The following CNTNAP5 variants were observed in gnomAD, a reference collection of about 807,000 sequenced individuals.
CNTNAP5 encodes the protein contactin-associated protein-like 5.
A neutral mutation model predicts 150.2 loss-of-function variants in CNTNAP5; 72 were observed. That is an observed-to-expected ratio of 0.48 (90% CI 0.40 to 0.58). The LOEUF (loss-of-function observed/expected upper bound fraction) is 0.58, where lower values mean the gene tolerates loss of function less well. CNTNAP5 is among the 20% of genes least tolerant of loss of function. The pLI is 0.00. For missense variants in CNTNAP5, 1,636 were observed against 1,626.2 expected, an observed-to-expected ratio of 1.01 and a Z score of -0.10; for synonymous variants, 672 against 619.8, an observed-to-expected ratio of 1.08 and a Z score of -1.25.
rs1487804493 is a variant in CNTNAP5 at position 124,560,215 on chromosome 2, T to C, written c.1650-3002T>C. On this transcript the variant is annotated intron_variant, in intron 10 of 23. Coordinates refer to ENST00000682447, the MANE Select transcript of CNTNAP5 (RefSeq NM_001367498.1). ...TTTGTAATCTTTTGTTTTAAAAACA[T>C]TTAAAGTGGGGCAGGTGCCATGTGG... Among the ~76,000 whole-genome samples, 3 of 152,106 alleles carry C rather than the reference T, an allele frequency of 2.0e-5. 1 individual carries two copies. The highest frequency in any genetic ancestry group is 3.9e-4 in the East Asian group (2 of 5,176).
At chr2:124,817,439 A>C (rs578131123) in intron 19 of CNTNAP5, among the ~76,000 whole-genome samples, 8 of 152,308 alleles carry the variant, frequency 5.3e-5, no homozygotes, top group African/African-American at 1.7e-4. Context: ...CACACAAAAA[A>C]AAACAAAAGC....
chr2:124,305,264 T>TAA (rs1287202108), intron 3 of CNTNAP5, among the ~76,000 whole-genome samples: 4 of 137,042 alleles, frequency 2.9e-5, no homozygotes, highest in African/African-American at 7.9e-5. Context: ...GATGACAGTC[T>TAA]AAAAAAAAAA....
At chr2:124,578,494 A>G (rs917708278) in intron 11 of CNTNAP5, among the ~76,000 whole-genome samples, 1 of 152,056 alleles carries the variant, frequency 6.6e-6, no homozygotes, top group Non-Finnish European at 1.5e-5. Flanking sequence ...CTCACCAGGG[A>G]ATTTTCTCCC....
rs79520281 is a variant in CNTNAP5, at chr2:124,146,878, T to C, written c.83-74827T>C. On this transcript the variant is annotated intron_variant, in intron 1 of 23. Coordinates refer to ENST00000682447, the MANE Select transcript of CNTNAP5 (RefSeq NM_001367498.1). ...TCTCATTAAATGTGGTTTCCTCAGC[T>C]TCTCTTATGGCCAGACACTCTTCTT... is the stretch of plus-strand genomic sequence containing the variant. Among the ~76,000 whole-genome samples the C allele has an allele frequency of 2.9e-3, 449 of 152,330 alleles. 5 individuals carry two copies. Among genetic ancestry groups the C allele is most frequent in the African/African-American group, 0.01 (430 of 41,570 alleles).
chr2:124,627,270 C>T (rs1171193581), intron 12 of CNTNAP5, among the ~76,000 whole-genome samples: 1 of 152,150 alleles, frequency 6.6e-6, no homozygotes. Flanking sequence ...CCCTGTGCCT[C>T]CTGACTGGGT....
At chr2:124,858,441 C>T (rs1677431886) in intron 19 of CNTNAP5, among the ~76,000 whole-genome samples, 1 of 152,184 alleles carries the variant, frequency 6.6e-6, no homozygotes. Flanking sequence ...CATGAGTTAA[C>T]TCCCATCCAC....
chr2:124,898,095 G>T (rs1678344099), intron 21 of CNTNAP5, among the ~76,000 whole-genome samples: 1 of 151,052 alleles, frequency 6.6e-6, no homozygotes, highest in African/African-American at 2.5e-5. Context: ...TTACCTGAAA[G>T]CCACAATGAA....
At chr2:124,899,387 C>A (rs999200187) in intron 21 of CNTNAP5, among the ~76,000 whole-genome samples, 1 of 151,410 alleles carries the variant, frequency 6.6e-6, no homozygotes, top group African/African-American at 2.5e-5. Flanking sequence ...ATCAGCAGCT[C>A]GTGCTGTTTT....
chr2:124,862,056 T>C (rs1351488617), intron 19 of CNTNAP5, among the ~76,000 whole-genome samples: 4 of 152,148 alleles, frequency 2.6e-5, no homozygotes, highest in African/African-American at 9.6e-5. Context: ...TCAGGTGATC[T>C]GCCTGCCTTG....
Position 124,050,312 on chromosome 2 carries a change from A to C in CNTNAP5, c.82+24580A>C, listed in dbSNP as rs1402010766. ...AACCCCATCTCTACGAAAATACAAA[A>C]CATTAGCTGGGTGTGGTGGTACGTG... is the stretch of plus-strand genomic sequence containing the variant. On this transcript the variant is annotated intron_variant, in intron 1 of 23. Coordinates refer to ENST00000682447, the MANE Select transcript of CNTNAP5 (RefSeq NM_001367498.1). 2.0e-5 allele frequency among the ~76,000 whole-genome samples: 3 copies of C among 151,804 alleles called. No homozygotes were observed. In the East Asian group the frequency reaches 5.8e-4, roughly 30 times the overall value.
intron 3 of CNTNAP5, among the ~76,000 whole-genome samples, chr2:124,413,108 C>T (rs1691818445): frequency 9.4e-6 from 1 of 106,278 alleles, no homozygotes; most frequent in Non-Finnish European, 2.1e-5. Context: ...GACATTTATG[C>T]AGCCAAAAAA....
intron 3 of CNTNAP5, among the ~76,000 whole-genome samples, chr2:124,313,024 G>C (rs560602299): frequency 6.6e-6 from 1 of 152,174 alleles, no homozygotes. Context: ...TTCTTTCATC[G>C]GGGCTATTGA....
intron 1 of CNTNAP5, among the ~76,000 whole-genome samples, chr2:124,153,625 T>TTTTTTTG (rs1573795599): frequency 6.7e-6 from 1 of 148,532 alleles, no homozygotes. Flanking sequence ...TTTTTTTTTT[T>TTTTTTTG]TTGAGACAGA....
rs1191828441 is a variant in CNTNAP5, at chr2:124,865,110, GTC to G, written c.3218-190_3218-189del. 2.6e-5 allele frequency among the ~76,000 whole-genome samples: 4 copies of G among 151,634 alleles called. No individual in the cohort carries two copies. The South Asian group carries it at 6.3e-4, about 24-fold the overall frequency. On this transcript the variant is annotated intron_variant, in intron 19 of 23. Coordinates refer to ENST00000682447, the MANE Select transcript of CNTNAP5 (RefSeq NM_001367498.1). ...ACACACACTCTCTCTCTCTCTCTCT[GTC>G]TCTCTATTTTTGCAGCTCTCTTCAG... is the stretch of plus-strand genomic sequence containing the variant.
rs750951809 is a variant in CNTNAP5, at chr2:124,111,491, A to C, written c.82+85759A>C. ...ACACTGATGCATATGAGCCTGTATC[A>C]GTGTGTATTTTAAAATTCATGGAAT... On this transcript the variant is annotated intron_variant, in intron 1 of 23. Transcript: ENST00000682447. 1.0e-3 allele frequency among the ~76,000 whole-genome samples: 158 copies of C among 152,292 alleles called. 3 individuals are homozygous for C. Among genetic ancestry groups the C allele is most frequent in the Middle Eastern group, 0.01 (3 of 294 alleles).
At chr2:124,364,419 C>T (rs1456420053) in intron 3 of CNTNAP5, among the ~76,000 whole-genome samples, 1 of 152,150 alleles carries the variant, frequency 6.6e-6, no homozygotes, top group African/African-American at 2.4e-5. Context: ...CCTAACCCTG[C>T]TCACCTTTTT....
intron 13 of CNTNAP5, among the ~76,000 whole-genome samples, chr2:124,701,942 T>C (rs139410182): frequency 0.036 from 5,527 of 152,154 alleles, 204 homozygotes; most frequent in Non-Finnish European, 0.053. Context: ...AACATTTTAC[T>C]GGAAAATTTT....
chr2:124,242,505 A>G, intron 3 of CNTNAP5, 112 bp downstream of exon 3: 1 of 1,004,132 alleles, frequency 1.0e-6, no homozygotes, highest in Admixed American at 2.6e-5. Flanking sequence ...ATAACTGGTG[A>G]GTGCCCATTA....
chr2:124,895,231 A>G (rs1395793440), intron 21 of CNTNAP5, among the ~76,000 whole-genome samples: 1 of 151,506 alleles, frequency 6.6e-6, no homozygotes, highest in Non-Finnish European at 1.5e-5. Context: ...TTATATAAGA[A>G]GACTCATGGA....
Sources: allele counts gnomAD v4.1 joint callset (sites outside exome capture counted in the v4.1 genomes callset), GRCh38; gene constraint gnomAD v4.1.1; transcripts MANE v1.5; gene names NCBI Gene and HGNC (gene_info 2026-07-23, HGNC 2026-07-21).